The following PAWR variants were observed in gnomAD, a reference collection of about 807,000 sequenced individuals.
PAWR encodes pro-apoptotic WT1 regulator, also known as PRKC apoptosis WT1 regulator protein.
PAWR carries 23 observed loss-of-function variants against 32.0 expected under a neutral mutation model. The ratio of observed to expected loss-of-function variants is 0.72; its 90% CI spans 0.52 to 1.02. PAWR has a LOEUF of 1.02. Ranked by LOEUF, PAWR falls within the 50% of genes least tolerant of loss-of-function variation. The pLI is 0.00. For synonymous variants in PAWR, 226 were observed against 187.1 expected, an observed-to-expected ratio of 1.21 and a Z score of -1.70; for missense variants, 457 against 437.7, an observed-to-expected ratio of 1.04 and a Z score of -0.39.
chr12:79,651,566 G>A (rs1172347445), intron 2 of PAWR, among the ~76,000 whole-genome samples: 1 of 152,020 alleles, frequency 6.6e-6, no homozygotes, highest in Non-Finnish European at 1.5e-5. Context: ...GGCCACAAAA[G>A]ACTCAAGTGA....
chr12:79,653,642 G>C (rs1280394142), intron 2 of PAWR, among the ~76,000 whole-genome samples: 1 of 152,008 alleles, frequency 6.6e-6, no homozygotes, highest in African/African-American at 2.4e-5. Context: ...ACCACGCCAG[G>C]CTAATTTTGT....
At chr12:79,649,867 T>C (rs1451027363) in intron 2 of PAWR, among the ~76,000 whole-genome samples, 2 of 152,138 alleles carry the variant, frequency 1.3e-5, no homozygotes, top group South Asian at 2.1e-4. Context: ...TGAAAGACAA[T>C]TTTTTCACGG....
chr12:79,632,861 C>T (rs1012066578), intron 2 of PAWR, among the ~76,000 whole-genome samples: 13 of 152,114 alleles, frequency 8.5e-5, no homozygotes, highest in African/African-American at 1.7e-4. Context: ...TAGCCGGACA[C>T]GGTGGCTCAT....
At chr12:79,642,783 A>G (rs910891156) in intron 2 of PAWR, among the ~76,000 whole-genome samples, 4 of 152,168 alleles carry the variant, frequency 2.6e-5, no homozygotes, top group Admixed American at 6.5e-5. Context: ...CATTAACAAC[A>G]TAATAGCTGA....
chr12:79,653,329 C>A (rs1300624382), intron 2 of PAWR, among the ~76,000 whole-genome samples: 1 of 152,084 alleles, frequency 6.6e-6, no homozygotes, highest in African/African-American at 2.4e-5. Context: ...AGCCACTGCA[C>A]CCAGCCCAAA....
intron 2 of PAWR, among the ~76,000 whole-genome samples, chr12:79,641,636 C>T (rs1046620981): frequency 2.0e-5 from 3 of 151,946 alleles, no homozygotes; most frequent in African/African-American, 7.2e-5. Flanking sequence ...ATCACGAGAT[C>T]AGGAGATCGA....
chr12:79,676,893 C>A (rs923859997), intron 2 of PAWR, among the ~76,000 whole-genome samples: 3 of 152,196 alleles, frequency 2.0e-5, no homozygotes, highest in African/African-American at 7.2e-5. Flanking sequence ...ATTCCCTTCA[C>A]AAAATTACCT....
intron 3 of PAWR, among the ~76,000 whole-genome samples, chr12:79,618,808 G>A (rs1341017752): frequency 6.6e-6 from 1 of 151,940 alleles, no homozygotes; most frequent in Non-Finnish European, 1.5e-5. Context: ...CACCTTAGAT[G>A]TCTTAACTAT....
intron 4 of PAWR, among the ~76,000 whole-genome samples, chr12:79,608,431 C>T (rs1468171226): frequency 1.3e-5 from 2 of 152,100 alleles, no homozygotes; most frequent in Non-Finnish European, 2.9e-5. Flanking sequence ...TCGCGCGCTC[C>T]TATGAGAATC....
chr12:79,649,815 A>G (rs1356661947), intron 2 of PAWR, among the ~76,000 whole-genome samples: 1 of 152,032 alleles, frequency 6.6e-6, no homozygotes, highest in Admixed American at 6.6e-5. Flanking sequence ...AAATAGTTAA[A>G]TCAGCAGTCC....
intron 4 of PAWR, among the ~76,000 whole-genome samples, chr12:79,610,080 CT>C (rs1459657754): frequency 6.6e-6 from 1 of 152,114 alleles, no homozygotes; most frequent in Non-Finnish European, 1.5e-5. Flanking sequence ...GAATTTGCCC[CT>C]GCCACACCAA....
intron 2 of PAWR, among the ~76,000 whole-genome samples, chr12:79,671,497 A>G (rs982456001): frequency 2.0e-5 from 3 of 152,178 alleles, no homozygotes; most frequent in Non-Finnish European, 4.4e-5. Context: ...ATTCCCATCT[A>G]TTCCTAGTTT....
chr12:79,624,124 A>G (rs1416280921), intron 2 of PAWR, among the ~76,000 whole-genome samples: 1 of 152,120 alleles, frequency 6.6e-6, no homozygotes, highest in African/African-American at 2.4e-5. Context: ...CAACATCATT[A>G]GCTTAAAGTT....
At chr12:79,686,224 A>G (rs1267138076) in intron 2 of PAWR, among the ~76,000 whole-genome samples, 1 of 152,110 alleles carries the variant, frequency 6.6e-6, no homozygotes. Flanking sequence ...ACACAACCCT[A>G]CTCAATGGCA....
intron 3 of PAWR, among the ~76,000 whole-genome samples, chr12:79,618,295 ATTG>A (rs1874841295): frequency 6.6e-6 from 1 of 151,926 alleles, no homozygotes; most frequent in African/African-American, 2.4e-5. Flanking sequence ...TGCTCAGCTA[ATTG>A]TTGTATTTTT....
At chr12:79,675,938 G>A (rs796461469) in intron 2 of PAWR, among the ~76,000 whole-genome samples, 1 of 151,884 alleles carries the variant, frequency 6.6e-6, no homozygotes, top group South Asian at 2.1e-4. Context: ...GCTCAGGCTA[G>A]TATTTAAAAG....
intron 4 of PAWR, chr12:79,603,637 T>C (rs138294215): frequency 2.6e-5 from 4 of 151,974 alleles, no homozygotes; most frequent in African/African-American, 9.6e-5. Context: ...CATCTTAGAC[T>C]TGTCAATACA....
In PAWR at chr12:79,690,329, G is replaced by T. The variant is rs1048961308; in HGVS notation, c.-85C>A. On this transcript the variant is annotated 5_prime_UTR_variant, in exon 2 of 7. Transcript: ENST00000328827. ...GCCTCCTCTTCCTTCCTGCGGCCCC[G>T]AGGATGCCAGGAGACGACCTCCAGG... 1 of 1,360,424 alleles carries T rather than the reference G, an allele frequency of 7.4e-7. No homozygotes were observed. Among genetic ancestry groups the T allele is most frequent in the African/African-American group, 1.5e-5 (1 of 65,278 alleles). The allele number at this position is 1,360,424 out of a possible 1,614,324, so 84.3% of individuals were successfully genotyped here. A position where few individuals can be genotyped will look rare whatever the true frequency, so the allele number is the denominator to read the frequency against.
At chr12:79,650,425 C>T (rs1349629909) in intron 2 of PAWR, among the ~76,000 whole-genome samples, 1 of 152,136 alleles carries the variant, frequency 6.6e-6, no homozygotes, top group Non-Finnish European at 1.5e-5. Flanking sequence ...CCTTCAGACT[C>T]ATCTGTATAT....
Sources: gnomAD v4.1 joint callset for allele counts (sites outside exome capture counted in the v4.1 genomes callset) on GRCh38, gnomAD v4.1.1 for gene constraint, MANE v1.5 for transcripts, NCBI Gene and HGNC (gene_info 2026-07-23, HGNC 2026-07-21) for gene names.